Variants in ST6GALNAC3 observed in about 807,000 individuals in gnomAD.
ST6GALNAC3 encodes the protein alpha-N-acetylgalactosaminide alpha-2,6-sialyltransferase 3.
Under a neutral mutation model 32.7 loss-of-function variants are expected in ST6GALNAC3, and 25 were observed. The ratio of observed to expected loss-of-function variants is 0.76; its 90% CI spans 0.56 to 1.07. The LOEUF (loss-of-function observed/expected upper bound fraction) is 1.07. Among genes scored for constraint, ST6GALNAC3 ranks in the 50% least tolerant of loss-of-function variants. ST6GALNAC3 has a pLI of 0.00. For synonymous variants in ST6GALNAC3, 129 were observed against 133.1 expected, an observed-to-expected ratio of 0.97 and a Z score of 0.21; for missense variants, 355 against 382.4, an observed-to-expected ratio of 0.93 and a Z score of 0.60.
chr1:76,249,098 T>A (rs1014904531), intron 1 of ST6GALNAC3, among the ~76,000 whole-genome samples: 3 of 152,314 alleles, frequency 2.0e-5, no homozygotes, highest in African/African-American at 7.2e-5. Context: ...TATAGCTTTA[T>A]AGAGATAAAA....
At chr1:76,183,981 C>G (rs912611621) in intron 1 of ST6GALNAC3, among the ~76,000 whole-genome samples, 1 of 151,128 alleles carries the variant, frequency 6.6e-6, no homozygotes, top group African/African-American at 2.4e-5. Context: ...TGTGAAGTTA[C>G]GCCTACTGAT....
chr1:76,628,620 G>GGTATAGA lies in ST6GALNAC3; in HGVS notation c.732_733insGTATAGA (p.Thr245ValfsTer2). 1 of 1,589,782 alleles carries GGTATAGA rather than the reference G, an allele frequency of 6.3e-7. No homozygotes were observed. The highest frequency in any genetic ancestry group is 8.5e-7 in the Non-Finnish European group (1 of 1,172,782). The stretch of plus-strand genomic sequence containing the variant: ...CCTTTTCTTTTTTTTTCTTTTCTAG[G>GGTATAGA]ACAGAAGGGTATAGAAAAGTCCCCT... On this transcript the variant is annotated stop_gained and frameshift_variant and splice_region_variant, in exon 5 of 5. Coordinates refer to ENST00000328299, the MANE Select transcript of ST6GALNAC3 (RefSeq NM_152996.4). LOFTEE classifies it high-confidence loss of function.
At chr1:76,504,010 G>A (rs1661330612) in intron 3 of ST6GALNAC3, among the ~76,000 whole-genome samples, 1 of 152,174 alleles carries the variant, frequency 6.6e-6, no homozygotes, top group Admixed American at 6.5e-5. Flanking sequence ...CCAGAACCTG[G>A]CATGTTGCTG....
chr1:76,122,701 T>C (rs1318170282), intron 1 of ST6GALNAC3, among the ~76,000 whole-genome samples: 1 of 152,204 alleles, frequency 6.6e-6, no homozygotes, highest in East Asian at 1.9e-4. Flanking sequence ...GGGGTGATTA[T>C]GCTTGAGAAT....
At chr1:76,412,832 C>T (rs1408426739) in intron 3 of ST6GALNAC3, among the ~76,000 whole-genome samples, 1 of 152,100 alleles carries the variant, frequency 6.6e-6, no homozygotes, top group Non-Finnish European at 1.5e-5. Flanking sequence ...CCTGAGACCA[C>T]AAACAGAACA....
intron 1 of ST6GALNAC3, among the ~76,000 whole-genome samples, chr1:76,117,518 A>C (rs1038650479): frequency 6.6e-6 from 1 of 152,230 alleles, no homozygotes. Flanking sequence ...TAAACCTAAA[A>C]TGTGGTTTAT....
intron 1 of ST6GALNAC3, among the ~76,000 whole-genome samples, chr1:76,306,528 A>T (rs1661062751): frequency 6.6e-6 from 1 of 151,864 alleles, no homozygotes; most frequent in South Asian, 2.1e-4. Flanking sequence ...GTCCAGTAAG[A>T]ATTACAAATC....
chr1:76,627,287 A>G (rs12562880), intron 3 of ST6GALNAC3, among the ~76,000 whole-genome samples, 165 bp from the exon 4 acceptor site: 20,706 of 151,998 alleles, frequency 0.14, 1,931 homozygotes, highest in East Asian at 0.41. Context: ...ATAATTCAAA[A>G]CAAGTGTGCA....
At chr1:76,426,042 G>C (rs1655356797) in intron 3 of ST6GALNAC3, among the ~76,000 whole-genome samples, 1 of 151,628 alleles carries the variant, frequency 6.6e-6, no homozygotes, top group Non-Finnish European at 1.5e-5. Context: ...AGGATTTCTG[G>C]AGTCCCTCCA....
At chr1:76,553,955 A>G (rs969880708) in intron 3 of ST6GALNAC3, among the ~76,000 whole-genome samples, 7 of 152,342 alleles carry the variant, frequency 4.6e-5, no homozygotes, top group Non-Finnish European at 1.0e-4. Flanking sequence ...ATATACACAT[A>G]GTAATAATAA....
intron 1 of ST6GALNAC3, among the ~76,000 whole-genome samples, chr1:76,127,765 G>C (rs551670770): frequency 1.1e-4 from 16 of 152,154 alleles, no homozygotes; most frequent in South Asian, 2.1e-4. Flanking sequence ...CACCTAGGGA[G>C]GCAGTCTCAT....
intron 1 of ST6GALNAC3, among the ~76,000 whole-genome samples, chr1:76,288,668 G>A (rs768061113): frequency 5.3e-5 from 8 of 152,208 alleles, no homozygotes; most frequent in Non-Finnish European, 1.2e-4. Context: ...ATGTGTGCTT[G>A]TCTGAGTTTG....
At chr1:76,487,060 C>G (rs1020861225) in intron 3 of ST6GALNAC3, among the ~76,000 whole-genome samples, 1 of 152,186 alleles carries the variant, frequency 6.6e-6, no homozygotes, top group Non-Finnish European at 1.5e-5. Context: ...GGCCCCTACT[C>G]TCTTCTGGCT....
At chr1:76,163,571 C>T (rs1214232660) in intron 1 of ST6GALNAC3, among the ~76,000 whole-genome samples, 1 of 152,134 alleles carries the variant, frequency 6.6e-6, no homozygotes, top group African/African-American at 2.4e-5. Context: ...ATTTTCTTTT[C>T]TTCACATTTT....
intron 3 of ST6GALNAC3, among the ~76,000 whole-genome samples, chr1:76,540,134 G>C (rs1336077535): frequency 6.6e-6 from 1 of 152,078 alleles, no homozygotes; most frequent in Admixed American, 6.5e-5. Context: ...AGACTGGATA[G>C]AAAAAATGTG....
intron 1 of ST6GALNAC3, among the ~76,000 whole-genome samples, chr1:76,266,344 C>G (rs1658524923): frequency 6.6e-6 from 1 of 152,094 alleles, no homozygotes. Context: ...GTAGATACTT[C>G]CAAGTCTTTA....
chr1:76,579,182 A>G (rs890354318), intron 3 of ST6GALNAC3, among the ~76,000 whole-genome samples: 2 of 151,932 alleles, frequency 1.3e-5, no homozygotes, highest in African/African-American at 4.8e-5. Flanking sequence ...TTTATTGTGG[A>G]GAGGGGAGAA....
chr1:76,252,545 C>T (rs1570587085), intron 1 of ST6GALNAC3, among the ~76,000 whole-genome samples: 1 of 151,860 alleles, frequency 6.6e-6, no homozygotes, highest in Non-Finnish European at 1.5e-5. Context: ...TTGAGGATGG[C>T]CCCCCCTTTT....
intron 3 of ST6GALNAC3, among the ~76,000 whole-genome samples, chr1:76,415,074 G>T (rs1401117534): frequency 2.0e-5 from 3 of 151,142 alleles, no homozygotes; most frequent in Admixed American, 6.6e-5. Flanking sequence ...TAGTCGTACA[G>T]AGTTTTCCAC....
Sources: gnomAD v4.1 joint callset for allele counts (sites outside exome capture counted in the v4.1 genomes callset) on GRCh38, gnomAD v4.1.1 for gene constraint, MANE v1.5 for transcripts, NCBI Gene and HGNC (gene_info 2026-07-23, HGNC 2026-07-21) for gene names.